The following PACRG variants were observed in gnomAD, a reference collection of about 807,000 sequenced individuals.
PACRG encodes the protein parkin coregulated, also known as parkin coregulated gene protein.
In PACRG, 29 loss-of-function variants were observed where a neutral mutation model predicts 29.7. That is an observed-to-expected ratio of 0.98 (90% CI 0.73 to 1.33). The LOEUF is 1.33. PACRG is among the 40% of genes most tolerant of loss of function. PACRG has a pLI of 0.00. For synonymous variants in PACRG, 116 were observed against 118.7 expected (o/e 0.98, Z 0.15); for missense variants, 279 against 316.2 (o/e 0.88, Z 0.89).
intron 4 of PACRG, among the ~76,000 whole-genome samples, chr6:163,232,239 C>T (rs1782073069): frequency 6.6e-6 from 1 of 152,120 alleles, no homozygotes; most frequent in African/African-American, 2.4e-5. Flanking sequence ...AGATTAGCGT[C>T]ACACTCTTAT....
intron 4 of PACRG, among the ~76,000 whole-genome samples, chr6:163,252,578 G>A (rs1003687976): frequency 2.6e-5 from 4 of 152,184 alleles, no homozygotes; most frequent in Non-Finnish European, 5.9e-5. Flanking sequence ...ACCGTGCAGA[G>A]TCCGTGACTG....
At chr6:163,202,676 A>G (rs567423439) in intron 4 of PACRG, among the ~76,000 whole-genome samples, 1 of 152,334 alleles carries the variant, frequency 6.6e-6, no homozygotes, top group South Asian at 2.1e-4. Context: ...AGAGGATTCT[A>G]GCAAATAGAT....
chr6:163,271,213 C>T (rs1163810824), intron 4 of PACRG, among the ~76,000 whole-genome samples: 1 of 152,120 alleles, frequency 6.6e-6, no homozygotes, highest in East Asian at 1.9e-4. Context: ...ATTCTTCTGC[C>T]TGCTTTTATT....
intron 2 of PACRG, among the ~76,000 whole-genome samples, chr6:162,871,385 T>C (rs549139004): frequency 1.1e-4 from 16 of 152,250 alleles, no homozygotes; most frequent in Non-Finnish European, 2.2e-4. Context: ...TTGATACTAT[T>C]CTGAGTGCAT....
chr6:163,163,428 C>G (rs568050449), intron 4 of PACRG, among the ~76,000 whole-genome samples: 1 of 152,246 alleles, frequency 6.6e-6, no homozygotes, highest in South Asian at 2.1e-4. Context: ...ACTGCCACCA[C>G]GCCCGACTAA....
intron 1 of PACRG, among the ~76,000 whole-genome samples, chr6:162,781,454 T>G (rs1366676689): frequency 7.9e-5 from 12 of 151,850 alleles, no homozygotes; most frequent in Admixed American, 7.9e-4. Flanking sequence ...GGACCAGAAA[T>G]GGAAACTATA....
At chr6:163,044,170 CT>C (rs368372180) in intron 2 of PACRG, among the ~76,000 whole-genome samples, 379 of 139,848 alleles carry the variant, frequency 2.7e-3, no homozygotes, top group Middle Eastern at 3.7e-3. Context: ...AAACAGATGA[CT>C]TTTTTTTTTT....
At chr6:163,306,398 G>A (rs985792299) in intron 4 of PACRG, among the ~76,000 whole-genome samples, 2 of 152,170 alleles carry the variant, frequency 1.3e-5, no homozygotes, top group Non-Finnish European at 2.9e-5. Context: ...TTATCCAGTA[G>A]AGGGATAAAT....
At chr6:163,169,362 C>T (rs935162266) in intron 4 of PACRG, among the ~76,000 whole-genome samples, 1 of 152,064 alleles carries the variant, frequency 6.6e-6, no homozygotes, top group Non-Finnish European at 1.5e-5. Context: ...GGCAGAGCTG[C>T]ATCTGTCAGT....
chr6:163,115,929 T>C (rs865914081), intron 4 of PACRG, among the ~76,000 whole-genome samples: 3 of 152,202 alleles, frequency 2.0e-5, no homozygotes, highest in Non-Finnish European at 4.4e-5. Flanking sequence ...GCTGCATCTA[T>C]TCCAATGCTG....
At chr6:162,814,687 G>C (rs1161415690) in intron 2 of PACRG, among the ~76,000 whole-genome samples, 2 of 152,080 alleles carry the variant, frequency 1.3e-5, no homozygotes, top group Non-Finnish European at 1.5e-5. Context: ...TTACCTAAAT[G>C]GATAGGTCAA....
At chr6:163,023,271 C>T (rs1250240437) in intron 2 of PACRG, among the ~76,000 whole-genome samples, 1 of 152,122 alleles carries the variant, frequency 6.6e-6, no homozygotes, top group East Asian at 1.9e-4. Flanking sequence ...TTTCCTTGTT[C>T]ATGTCCACGT....
intron 2 of PACRG, among the ~76,000 whole-genome samples, chr6:163,013,220 C>T (rs55698034): frequency 0.13 from 20,423 of 151,610 alleles, 1,476 homozygotes; most frequent in East Asian, 0.22. Flanking sequence ...TGGATAAGGA[C>T]GGCCACCTTA....
intron 1 of PACRG, among the ~76,000 whole-genome samples, chr6:162,766,433 A>T (rs1028271185): frequency 2.1e-5 from 3 of 143,612 alleles, no homozygotes; most frequent in Non-Finnish European, 3.0e-5. Flanking sequence ...TTGTGTATTT[A>T]TACCACATTT....
intron 2 of PACRG, among the ~76,000 whole-genome samples, chr6:162,960,833 T>G (rs1348339074): frequency 7.5e-6 from 1 of 133,646 alleles, no homozygotes; most frequent in Non-Finnish European, 1.7e-5. Flanking sequence ...ACATTCAGCC[T>G]GTTTTTCATT....
intron 3 of PACRG, among the ~76,000 whole-genome samples, chr6:163,071,178 A>C (rs1303143407): frequency 6.6e-6 from 1 of 152,124 alleles, no homozygotes; most frequent in African/African-American, 2.4e-5. Context: ...CTTAATCTGT[A>C]CTATAGACCA....
intron 1 of PACRG, among the ~76,000 whole-genome samples, chr6:162,737,321 G>A (rs1172114892): frequency 3.3e-5 from 5 of 152,156 alleles, no homozygotes; most frequent in Non-Finnish European, 7.3e-5. Flanking sequence ...ATTGCAAATT[G>A]TAATCACTTG....
chr6:163,029,375 C>A (rs1448328501), intron 2 of PACRG, among the ~76,000 whole-genome samples: 1 of 152,096 alleles, frequency 6.6e-6, no homozygotes, highest in Non-Finnish European at 1.5e-5. Flanking sequence ...GGAGATGAAC[C>A]CCAACAGCTT....
intron 2 of PACRG, among the ~76,000 whole-genome samples, chr6:162,827,977 G>A (rs1391990291): frequency 6.6e-6 from 1 of 152,068 alleles, no homozygotes; most frequent in African/African-American, 2.4e-5. Context: ...TCAAGATGGG[G>A]GACTGCAGAA....
Sources: allele counts gnomAD v4.1 joint callset (sites outside exome capture counted in the v4.1 genomes callset), GRCh38; gene constraint gnomAD v4.1.1; transcripts MANE v1.5; gene names NCBI Gene and HGNC (gene_info 2026-07-23, HGNC 2026-07-21).